Variants in SLC4A4 observed in about 807,000 individuals in gnomAD.
The protein encoded by SLC4A4 is solute carrier family 4 member 4.
SLC4A4 carries 27 observed loss-of-function variants against 111.5 expected under a neutral mutation model. The observed-to-expected ratio is 0.24, with a 90% confidence interval of 0.18 to 0.33. SLC4A4 has a LOEUF of 0.33. Among genes scored for constraint, SLC4A4 ranks in the 10% least tolerant of loss-of-function variants. The pLI is 1.00. For missense variants in SLC4A4, 909 were observed against 1,315.5 expected, an observed-to-expected ratio of 0.69 and a Z score of 4.78; for synonymous variants, 443 against 463.4, an observed-to-expected ratio of 0.96 and a Z score of 0.57.
intron 24 of SLC4A4, among the ~76,000 whole-genome samples, 184 bp from the exon 25 acceptor site, chr4:71,566,820 G>A (rs1035786520): frequency 1.3e-5 from 2 of 151,654 alleles, no homozygotes; most frequent in Non-Finnish European, 2.9e-5. Context: ...TAAAGTAAAA[G>A]AGATGAAGTG....
chr4:71,220,680 G>A (rs1397937993), intron 1 of SLC4A4, among the ~76,000 whole-genome samples: 1 of 152,038 alleles, frequency 6.6e-6, no homozygotes, highest in Non-Finnish European at 1.5e-5. Flanking sequence ...TTCTCTCAGA[G>A]TTAAGGAGAG....
At chr4:71,071,960 T>C (rs1741675757) in intron 1 of SLC4A4, among the ~76,000 whole-genome samples, 1 of 152,214 alleles carries the variant, frequency 6.6e-6, no homozygotes, top group South Asian at 2.1e-4. Flanking sequence ...ATTTTAATAG[T>C]GCCAAATCAC....
intron 16 of SLC4A4, among the ~76,000 whole-genome samples, chr4:71,527,416 T>A (rs1733513061): frequency 6.6e-6 from 1 of 152,094 alleles, no homozygotes; most frequent in South Asian, 2.1e-4. Flanking sequence ...GTTTTAGGTC[T>A]GAGCAATGGG....
chr4:71,400,833 T>A (rs1411961210), intron 7 of SLC4A4, among the ~76,000 whole-genome samples: 1 of 152,158 alleles, frequency 6.6e-6, no homozygotes, highest in Non-Finnish European at 1.5e-5. Context: ...TATTTTTTTT[T>A]AACCTGTTTC....
chr4:71,499,125 A>T (rs1273057244), intron 16 of SLC4A4, among the ~76,000 whole-genome samples: 15 of 151,452 alleles, frequency 9.9e-5, no homozygotes, highest in Non-Finnish European at 5.9e-5. Flanking sequence ...TTTATTGGGC[A>T]TCTTGGATTT....
chr4:71,531,916 T>G, intron 16 of SLC4A4, 146 bp from the exon 17 acceptor site: 1 of 658,302 alleles, frequency 1.5e-6, no homozygotes, highest in Non-Finnish European at 2.7e-6. Flanking sequence ...AAATAATTTT[T>G]CTGCACTCTG....
intron 2 of SLC4A4, among the ~76,000 whole-genome samples, chr4:71,136,733 A>G (rs1743856546): frequency 6.6e-6 from 1 of 152,188 alleles, no homozygotes; most frequent in Admixed American, 6.5e-5. Context: ...TAGCAGTACT[A>G]CCTCAAGGAG....
At chr4:71,520,284 C>T (rs543155809) in intron 16 of SLC4A4, among the ~76,000 whole-genome samples, 1 of 152,280 alleles carries the variant, frequency 6.6e-6, no homozygotes, top group African/African-American at 2.4e-5. Context: ...CTCTTTTGTT[C>T]TCTCATTTTT....
intron 1 of SLC4A4, among the ~76,000 whole-genome samples, chr4:71,075,852 T>C (rs545669254): frequency 6.6e-6 from 1 of 151,886 alleles, no homozygotes; most frequent in Non-Finnish European, 1.5e-5. Flanking sequence ...TAGTCCCAGC[T>C]ACTCGGGAGG....
In SLC4A4 at chr4:71,400,161, A is replaced by G. The variant is rs73828141; in HGVS notation, c.807+2508A>G. Among the ~76,000 whole-genome samples the G allele has an allele frequency of 6.9e-3, 1,047 of 152,294 alleles. 11 individuals carry two copies. The highest frequency in any genetic ancestry group is 0.023 in the African/African-American group (951 of 41,570). ...GAGGAAGCCTTCTTTTATTAAGGGC[A>G]GCTCTCCTTTTGCCAGGAATTTGGC... On this transcript the variant is annotated intron_variant, in intron 7 of 25. Coordinates refer to ENST00000264485, the MANE Select transcript of SLC4A4 (RefSeq NM_001098484.3).
intron 2 of SLC4A4, among the ~76,000 whole-genome samples, chr4:71,141,812 G>A (rs2148966619): frequency 6.6e-6 from 1 of 152,284 alleles, no homozygotes; most frequent in African/African-American, 2.4e-5. Context: ...ACTAAAGTGA[G>A]AACTAAAGTG....
intron 18 of SLC4A4, among the ~76,000 whole-genome samples, chr4:71,544,538 C>T (rs1298997781): frequency 2.6e-5 from 4 of 152,010 alleles, no homozygotes; most frequent in African/African-American, 9.7e-5. Flanking sequence ...TCTGTAGGCT[C>T]CACCTTAAGG....
intron 1 of SLC4A4, among the ~76,000 whole-genome samples, chr4:71,074,108 G>C (rs1741745596): frequency 6.6e-6 from 1 of 152,084 alleles, no homozygotes; most frequent in African/African-American, 2.4e-5. Context: ...TGTCAGTATA[G>C]AATAGGGATT....
intron 6 of SLC4A4, among the ~76,000 whole-genome samples, chr4:71,371,036 A>G (rs1210248185): frequency 6.6e-6 from 1 of 152,138 alleles, no homozygotes; most frequent in African/African-American, 2.4e-5. Flanking sequence ...TACTTACTGT[A>G]TCCATTCAGT....
At chr4:71,256,665 A>G (rs1005645613) in intron 3 of SLC4A4, among the ~76,000 whole-genome samples, 1 of 152,220 alleles carries the variant, frequency 6.6e-6, no homozygotes, top group Non-Finnish European at 1.5e-5. Context: ...GGGATCCTTT[A>G]CATATCGATT....
intron 4 of SLC4A4, among the ~76,000 whole-genome samples, chr4:71,343,933 T>C (rs1413817680): frequency 1.3e-5 from 2 of 151,566 alleles, no homozygotes; most frequent in Non-Finnish European, 2.9e-5. Flanking sequence ...CCCACAGTTA[T>C]CTGCGTGGCC....
At chr4:71,153,560 G>A (rs1744373270) in intron 2 of SLC4A4, among the ~76,000 whole-genome samples, 1 of 152,132 alleles carries the variant, frequency 6.6e-6, no homozygotes, top group Non-Finnish European at 1.5e-5. Context: ...TCAGTAAAAT[G>A]AAGGGTTCTA....
intron 2 of SLC4A4, among the ~76,000 whole-genome samples, chr4:71,146,686 C>T: frequency 6.6e-6 from 1 of 152,024 alleles, no homozygotes; most frequent in Non-Finnish European, 1.5e-5. Context: ...TGAATTGATC[C>T]CTTTACCATT....
intron 6 of SLC4A4, among the ~76,000 whole-genome samples, chr4:71,367,267 T>C (rs1731418724): frequency 6.6e-6 from 1 of 152,184 alleles, no homozygotes; most frequent in Non-Finnish European, 1.5e-5. Flanking sequence ...ATGGTATCAG[T>C]GATAAAATTT....
Sources: gnomAD v4.1 joint callset for allele counts (sites outside exome capture counted in the v4.1 genomes callset) on GRCh38, gnomAD v4.1.1 for gene constraint, MANE v1.5 for transcripts, NCBI Gene and HGNC (gene_info 2026-07-23, HGNC 2026-07-21) for gene names.